The following WWP2 variants were observed in gnomAD, a reference collection of about 807,000 sequenced individuals.
WWP2 encodes the protein WW domain containing E3 ubiquitin protein ligase 2.
A neutral mutation model predicts 121.0 loss-of-function variants in WWP2; 57 were observed. That is an observed-to-expected ratio of 0.47 (90% CI 0.38 to 0.59). WWP2 has a LOEUF of 0.59. Ranked by LOEUF, WWP2 falls within the 20% of genes least tolerant of loss-of-function variation. WWP2 has a pLI of 0.00. For synonymous variants in WWP2, 449 were observed against 441.3 expected, an observed-to-expected ratio of 1.02 and a Z score of -0.22; for missense variants, 962 against 1,158.9, an observed-to-expected ratio of 0.83 and a Z score of 2.47.
intron 10 of WWP2, among the ~76,000 whole-genome samples, chr16:69,922,169 G>A (rs1179066433): frequency 6.7e-6 from 1 of 149,266 alleles, no homozygotes; most frequent in Non-Finnish European, 1.5e-5. Context: ...CAGACAACTT[G>A]TTTCTTACTC....
At chr16:69,831,643 C>T (rs569706178) in intron 4 of WWP2, among the ~76,000 whole-genome samples, 29 of 152,136 alleles carry the variant, frequency 1.9e-4, no homozygotes, top group African/African-American at 7.0e-4. Context: ...AACTTGAAGC[C>T]ACTTGCAAAT....
At chr16:69,890,306 C>G (rs1222980032) in intron 8 of WWP2, among the ~76,000 whole-genome samples, 1 of 152,106 alleles carries the variant, frequency 6.6e-6, no homozygotes, top group Non-Finnish European at 1.5e-5. Flanking sequence ...TTCAGAAAGT[C>G]CTGTTCCACA....
At chr16:69,841,349 C>G (rs2056973872) in intron 5 of WWP2, among the ~76,000 whole-genome samples, 1 of 152,118 alleles carries the variant, frequency 6.6e-6, no homozygotes, top group African/African-American at 2.4e-5. Flanking sequence ...GGGAAGGTTT[C>G]TCTGAGGAAG....
intron 4 of WWP2, among the ~76,000 whole-genome samples, chr16:69,816,413 G>A (rs146999337): frequency 0.014 from 2,102 of 148,332 alleles, 49 homozygotes; most frequent in African/African-American, 0.046. Flanking sequence ...GAGACCCACC[G>A]CTCTATTAAA....
intron 9 of WWP2, among the ~76,000 whole-genome samples, chr16:69,915,655 G>A (rs145705062): frequency 4.6e-5 from 7 of 152,166 alleles, no homozygotes; most frequent in Admixed American, 2.6e-4. Context: ...GGTTGCCTTC[G>A]GGGAACAGGA....
chr16:69,902,133 G>C (rs998291854), intron 8 of WWP2, among the ~76,000 whole-genome samples: 1 of 152,186 alleles, frequency 6.6e-6, no homozygotes, highest in African/African-American at 2.4e-5. Flanking sequence ...ACGGGTAATT[G>C]AGCATTAATT....
chr16:69,923,319 G>A (rs2058591197), intron 10 of WWP2, among the ~76,000 whole-genome samples: 1 of 73,452 alleles, frequency 1.4e-5, no homozygotes, highest in African/African-American at 4.3e-5. Flanking sequence ...TGTTGGGGGG[G>A]TGGGGGGGGT....
chr16:69,846,049 CAAAAAAA>C (rs57201672), intron 6 of WWP2, among the ~76,000 whole-genome samples: 826 of 45,612 alleles, frequency 0.018, 47 homozygotes, highest in African/African-American at 0.079. Context: ...GACTCCATCT[CAAAAAAA>C]AAAAAAAAAA....
chr16:69,866,468 T>C (rs2057526701), intron 6 of WWP2, among the ~76,000 whole-genome samples: 1 of 151,758 alleles, frequency 6.6e-6, no homozygotes, highest in Non-Finnish European at 1.5e-5. Context: ...CTTCCCTATT[T>C]CCCCCTCTCC....
At chr16:69,896,136 T>C (rs1361387592) in intron 8 of WWP2, among the ~76,000 whole-genome samples, 4 of 152,186 alleles carry the variant, frequency 2.6e-5, no homozygotes, top group Non-Finnish European at 4.4e-5. Flanking sequence ...CTTTCCTTTT[T>C]TTGGAGACAG....
At chr16:69,912,192 G>A (rs1004763418) in intron 9 of WWP2, among the ~76,000 whole-genome samples, 2 of 152,046 alleles carry the variant, frequency 1.3e-5, no homozygotes, top group Non-Finnish European at 2.9e-5. Flanking sequence ...GGGAGGCTGA[G>A]GCAGGAGAAT....
At chr16:69,843,215 G>A (rs899412209) in intron 6 of WWP2, among the ~76,000 whole-genome samples, 2 of 151,954 alleles carry the variant, frequency 1.3e-5, no homozygotes, top group East Asian at 3.9e-4. Context: ...TTTGGGGGTG[G>A]CCCATGGTTC....
rs1445853845 is a variant in WWP2 at position 69,930,262 on chromosome 16, A to G, written c.1445+4A>G. ...CTCGCCCGGGGTTTGAGTCGGGGTA[A>G]GGACTTTGTGCAGGTAGCAGCAGTG... is the stretch of plus-strand genomic sequence containing the variant. On this transcript the variant is annotated splice_donor_region_variant and intron_variant, in intron 13 of 23. Coordinates refer to ENST00000359154, the MANE Select transcript of WWP2 (RefSeq NM_001270454.2). 2 of 1,613,788 alleles carry G rather than the reference A, an allele frequency of 1.2e-6. No individual in the cohort carries two copies. Among genetic ancestry groups the G allele is most frequent in the Admixed American group, 3.3e-5 (2 of 59,984 alleles).
At chr16:69,808,682 G>A (rs371557834) in intron 4 of WWP2, among the ~76,000 whole-genome samples, 7 of 152,234 alleles carry the variant, frequency 4.6e-5, no homozygotes, top group South Asian at 4.1e-4. Flanking sequence ...GATTACAGGC[G>A]TGAGCCACTG....
chr16:69,926,877 T>G (rs2058648105), intron 11 of WWP2, among the ~76,000 whole-genome samples: 1 of 152,170 alleles, frequency 6.6e-6, no homozygotes, highest in Non-Finnish European at 1.5e-5. Context: ...TACTGCTGTT[T>G]AGTAGCCAGT....
chr16:69,856,069 C>T (rs188516835), intron 6 of WWP2, among the ~76,000 whole-genome samples: 1 of 151,990 alleles, frequency 6.6e-6, no homozygotes, highest in Non-Finnish European at 1.5e-5. Flanking sequence ...TCCAGGAGTT[C>T]GAGTCTAGCC....
At position 69,925,443 on chromosome 16, in the gene WWP2, C is replaced by T. The variant is rs891887656; in HGVS notation, c.1193C>T (p.Ser398Leu). ...QRFLYQSSSA[S>L]TDHDPLGPLP... ...TCTTGTGTTTAGTCTTCGAGTGCTT[C>T]GACTGACCATGATCCCCTGGGCCCC... Residue 398 changes from serine to leucine, a missense_variant, in exon 11 of 24, where the codon TCG (serine) becomes TTG (leucine). By Grantham distance (145) the Ser-to-Leu change is moderately radical. Transcript: ENST00000359154. This position sits in a 1 kb window ranked among gnomAD's most constrained non-coding sequence, Gnocchi z 4.0. The T allele has an allele frequency of 1.9e-6, 3 of 1,614,066 alleles. No homozygotes were observed. Among genetic ancestry groups the T allele is most frequent in the African/African-American group, 1.3e-5 (1 of 75,018 alleles).
At chr16:69,836,331 A>G (rs978885608) in intron 4 of WWP2, among the ~76,000 whole-genome samples, 3 of 151,138 alleles carry the variant, frequency 2.0e-5, no homozygotes, top group African/African-American at 7.3e-5. Flanking sequence ...TGACATTAAC[A>G]TTTTCAGGAG....
At chr16:69,792,912 A>C (rs541875306) in intron 2 of WWP2, among the ~76,000 whole-genome samples, 2 of 152,176 alleles carry the variant, frequency 1.3e-5, no homozygotes, top group East Asian at 3.9e-4. Context: ...GCTTGTCTCG[A>C]ACTCCTGGGC....
Sources: gnomAD v4.1 joint callset for allele counts (sites outside exome capture counted in the v4.1 genomes callset) on GRCh38, gnomAD v4.1.1 for gene constraint, Gnocchi (gnomAD v3.1) non-coding constraint, MANE v1.5 for transcripts, NCBI Gene and HGNC (gene_info 2026-07-23, HGNC 2026-07-21) for gene names.